Variants in PXK observed in about 807,000 individuals in gnomAD.
The protein encoded by PXK is PX domain-containing protein kinase-like protein.
Under a neutral mutation model 84.7 loss-of-function variants are expected in PXK, and 35 were observed. That is an observed-to-expected ratio of 0.41 (90% CI 0.32 to 0.55). The LOEUF (loss-of-function observed/expected upper bound fraction) is 0.55. Among genes scored for constraint, PXK ranks in the 20% least tolerant of loss-of-function variants. The probability of loss-of-function intolerance (pLI) is 0.21; values close to 1 mark genes in which losing one functional copy is unlikely to be tolerated. For missense variants in PXK, 634 were observed against 699.7 expected, an observed-to-expected ratio of 0.91 and a Z score of 1.06; for synonymous variants, 253 against 260.8, an observed-to-expected ratio of 0.97 and a Z score of 0.29.
chr3:58,345,372 A>G (rs1376848771), intron 1 of PXK, among the ~76,000 whole-genome samples: 1 of 152,260 alleles, frequency 6.6e-6, no homozygotes, highest in Non-Finnish European at 1.5e-5. Context: ...TATTTTATTT[A>G]GATCAGTATA....
At chr3:58,365,184 C>T (rs2098252182) in intron 1 of PXK, among the ~76,000 whole-genome samples, 2 of 151,922 alleles carry the variant, frequency 1.3e-5, no homozygotes, top group Admixed American at 1.3e-4. Context: ...TGTTAGCTGA[C>T]GTGTCCCACA....
In PXK at chr3:58,336,071, A is replaced by ATAT. The variant is rs1284780630; in HGVS notation, c.102+2982_102+2983insATT. ...TATATATATATATATATATATATATATTTTTTTTTTTTTTTTTTAATACCA... is the reference window on the plus strand; with the variant it reads ...TATATATATATATATATATATATATATATTTTTTTTTTTTTTTTTTTAATACCA... On this transcript the variant is annotated intron_variant, in intron 1 of 17. Coordinates refer to ENST00000356151, the MANE Select transcript of PXK (RefSeq NM_017771.5). Among the ~76,000 whole-genome samples the ATAT allele has an allele frequency of 1.1e-3, 56 of 51,572 alleles. 1 individual carries two copies. Among genetic ancestry groups the ATAT allele is most frequent in the Non-Finnish European group, 1.5e-3 (45 of 30,610 alleles). 33.8% of individuals were successfully genotyped at this position (51,572 alleles called of 152,430 possible).
rs144767612 is a variant in PXK at position 58,364,241 on chromosome 3, C to T, written c.103-1633C>T. ...GGTTTTGGGACCTGGGTAATACTAG[C>T]TTCATCAAGTGAATTGGGAAGTGTT... On this transcript the variant is annotated intron_variant, in intron 1 of 17. Transcript: ENST00000356151. This position sits in a 1 kb window ranked among gnomAD's most constrained non-coding sequence, Gnocchi z 4.3. Among the ~76,000 whole-genome samples the T allele has an allele frequency of 0.014, 2,147 of 152,188 alleles. 63 individuals carry two copies. Among genetic ancestry groups the T allele is most frequent in the African/African-American group, 0.049 (2,019 of 41,484 alleles).
chr3:58,421,369 T>C lies in PXK; in HGVS notation c.1529-3383T>C. 2 of 951,002 alleles carry C rather than the reference T, an allele frequency of 2.1e-6. No individual in the cohort carries two copies. Among genetic ancestry groups the C allele is most frequent in the Non-Finnish European group, 2.5e-6 (2 of 802,966 alleles). The allele number at this position is 951,002 out of a possible 1,614,324, so 58.9% of individuals were successfully genotyped here. ...GGCTGAGGCGGGCGGATCACAAGGA[T>C]CAGGAGTTCAAGACCAACCTGGCCA... On this transcript the variant is annotated intron_variant, in intron 17 of 17. Transcript: ENST00000356151. This position sits in a 1 kb window ranked among gnomAD's most constrained non-coding sequence, Gnocchi z 5.5.
At chr3:58,423,511 TG>T in intron 17 of PXK, 2 of 1,535,680 alleles carry the variant, frequency 1.3e-6, no homozygotes, top group Non-Finnish European at 8.7e-7. Context: ...GATTTTCTAT[TG>T]TAAGACTTTA....
intron 1 of PXK, among the ~76,000 whole-genome samples, chr3:58,365,263 T>C (rs1247171905): frequency 6.6e-6 from 1 of 152,180 alleles, no homozygotes; most frequent in Non-Finnish European, 1.5e-5. Context: ...AGATTTTGTC[T>C]TTAAAACATG....
At chr3:58,357,906 T>C (rs1421379595) in intron 1 of PXK, among the ~76,000 whole-genome samples, 10 of 151,648 alleles carry the variant, frequency 6.6e-5, no homozygotes, top group African/African-American at 2.2e-4. Flanking sequence ...AGTGAGATCA[T>C]GCCACTGCAT....
intron 3 of PXK, among the ~76,000 whole-genome samples, chr3:58,372,385 C>T (rs1031025783): frequency 2.0e-5 from 3 of 151,040 alleles, no homozygotes; most frequent in Non-Finnish European, 4.4e-5. Context: ...TGCAGTGGCG[C>T]GATCTTGGCT....
At chr3:58,361,024 C>T (rs962349204) in intron 1 of PXK, among the ~76,000 whole-genome samples, 8 of 151,642 alleles carry the variant, frequency 5.3e-5, no homozygotes, top group African/African-American at 7.3e-5. Flanking sequence ...TGGCCGGGCG[C>T]GGTGGTTCAC....
At chr3:58,369,651 C>G (rs1056124902) in intron 3 of PXK, among the ~76,000 whole-genome samples, 173 bp downstream of exon 3, 16 of 151,902 alleles carry the variant, frequency 1.1e-4, no homozygotes, top group Non-Finnish European at 1.6e-4. Flanking sequence ...ATGGAGAAAC[C>G]CCATCTCTAC....
At chr3:58,371,432 T>C (rs2098368779) in intron 3 of PXK, among the ~76,000 whole-genome samples, 1 of 152,194 alleles carries the variant, frequency 6.6e-6, no homozygotes, top group African/African-American at 2.4e-5. Context: ...TGTAAGCATT[T>C]GGGAATTAAC....
intron 1 of PXK, among the ~76,000 whole-genome samples, chr3:58,337,046 G>A (rs1409554718): frequency 3.9e-5 from 6 of 152,118 alleles, no homozygotes; most frequent in Middle Eastern, 3.2e-3. Flanking sequence ...CTGACCTCAG[G>A]TGATCCACCT....
intron 13 of PXK, among the ~76,000 whole-genome samples, chr3:58,406,924 T>C (rs1189165768): frequency 6.6e-6 from 1 of 152,228 alleles, no homozygotes; most frequent in Non-Finnish European, 1.5e-5. Context: ...AATATTCCAT[T>C]GTATGTATAT....
chr3:58,369,578 C>A, intron 3 of PXK, 100 bp downstream of exon 3: 2 of 923,074 alleles, frequency 2.2e-6, no homozygotes, highest in Middle Eastern at 2.5e-4. Flanking sequence ...GTAATCCCAG[C>A]ACTTGGGGAG....
At chr3:58,362,143 A>G (rs2098197707) in intron 1 of PXK, among the ~76,000 whole-genome samples, 1 of 152,116 alleles carries the variant, frequency 6.6e-6, no homozygotes, top group Non-Finnish European at 1.5e-5. Context: ...ATGTATTCTT[A>G]TTATTTGCCC....
chr3:58,421,110 G>A lies in PXK; in HGVS notation c.1529-3642G>A, dbSNP rs1242289730. 7 of 992,636 alleles carry A rather than the reference G, an allele frequency of 7.1e-6. No homozygotes were observed. The highest frequency in any genetic ancestry group is 4.6e-5 in the South Asian group (1 of 21,952). 61.5% of individuals were successfully genotyped at this position (992,636 alleles called of 1,614,324 possible). On this transcript the variant is annotated intron_variant, in intron 17 of 17. Coordinates refer to ENST00000356151, the MANE Select transcript of PXK (RefSeq NM_017771.5). This position sits in a 1 kb window ranked among gnomAD's most constrained non-coding sequence, Gnocchi z 5.5. ...AGCCAAAGGAGAAGGTGGTTCTCCC[G>A]AGAGCTGGGGGCTTGCCTGCTTCGG... is the stretch of plus-strand genomic sequence containing the variant.
rs2098544024 is a variant in PXK, at chr3:58,385,548, G to A, written c.388+2848G>A. On this transcript the variant is annotated intron_variant, in intron 4 of 17. Transcript: ENST00000356151. The surrounding 1 kb of genome is among the most constrained non-coding windows in gnomAD (Gnocchi z 5.1). ...GGGTCTCACTCTGTTGCCCAGGCTGGAGCGCAGTGGCACTATCCCAGCTCT... is the reference window on the plus strand; with the variant it reads ...GGGTCTCACTCTGTTGCCCAGGCTGAAGCGCAGTGGCACTATCCCAGCTCT... Among the ~76,000 whole-genome samples the A allele has an allele frequency of 6.6e-6, 1 of 152,178 alleles. No individual in the cohort carries two copies. The highest frequency in any genetic ancestry group is 1.5e-5 in the Non-Finnish European group (1 of 68,026).
intron 9 of PXK, among the ~76,000 whole-genome samples, chr3:58,396,509 T>A (rs1157526268): frequency 6.6e-6 from 1 of 152,216 alleles, no homozygotes. Flanking sequence ...GGTAAGCCAC[T>A]GATTATTTAT....
intron 1 of PXK, among the ~76,000 whole-genome samples, chr3:58,357,272 C>CTG (rs2098105333): frequency 6.6e-6 from 1 of 151,112 alleles, no homozygotes; most frequent in South Asian, 2.1e-4. Context: ...GAGCGAGACT[C>CTG]TGTCTCAAAA....
Sources: allele counts gnomAD v4.1 joint callset (sites outside exome capture counted in the v4.1 genomes callset), GRCh38; gene constraint gnomAD v4.1.1; non-coding constraint Gnocchi (gnomAD v3.1); transcripts MANE v1.5; gene names NCBI Gene and HGNC (gene_info 2026-07-23, HGNC 2026-07-21).